Variants in LINGO2 observed in about 807,000 individuals in gnomAD.
LINGO2 encodes leucine-rich repeat and immunoglobulin-like domain-containing nogo receptor-interacting protein 2.
LINGO2 carries 14 observed loss-of-function variants against 30.6 expected under a neutral mutation model. The observed-to-expected ratio is 0.46, with a 90% CI of 0.30 to 0.72. The LOEUF (loss-of-function observed/expected upper bound fraction) is 0.72, where lower values mean the gene tolerates loss of function less well. Ranked by LOEUF, LINGO2 falls within the 30% of genes least tolerant of loss-of-function variation. LINGO2 has a pLI of 0.07. For synonymous variants in LINGO2, 317 were observed against 288.5 expected (o/e 1.10, Z -1.00); for missense variants, 729 against 751.7 (o/e 0.97, Z 0.35).
intron 4 of LINGO2, among the ~76,000 whole-genome samples, chr9:28,133,637 C>G (rs1199369229): frequency 6.6e-6 from 1 of 152,148 alleles, no homozygotes; most frequent in Non-Finnish European, 1.5e-5. Flanking sequence ...TCAGAAAGCA[C>G]TGATGGGCAG....
the LINGO2 span, among the ~76,000 whole-genome samples, chr9:28,685,264 A>G: frequency 9.7e-4 from 148 of 152,268 alleles, no homozygotes; most frequent in African/African-American, 3.2e-3. Context: ...TGTCTTTGCT[A>G]TTGTGAATAG....
At chr9:28,624,389 T>C (rs1826557790) in intron 1 of LINGO2, among the ~76,000 whole-genome samples, 2 of 151,950 alleles carry the variant, frequency 1.3e-5, no homozygotes, top group South Asian at 2.1e-4. Flanking sequence ...AGAAGAAATG[T>C]TGAATTTTAT....
the LINGO2 span, among the ~76,000 whole-genome samples, chr9:29,014,821 T>C: frequency 2.6e-5 from 4 of 152,162 alleles, no homozygotes; most frequent in African/African-American, 9.7e-5. Flanking sequence ...AGTATGAATG[T>C]AAAAAATGTT....
the LINGO2 span, among the ~76,000 whole-genome samples, chr9:29,054,171 T>C: frequency 3.9e-5 from 6 of 152,294 alleles, no homozygotes; most frequent in Middle Eastern, 0.014. Context: ...TCATATTTTA[T>C]GTATTTCTAG....
intron 4 of LINGO2, among the ~76,000 whole-genome samples, chr9:28,080,268 T>A (rs190742392): frequency 2.0e-5 from 3 of 152,328 alleles, no homozygotes; most frequent in Admixed American, 2.0e-4. Context: ...ATACTGAAAT[T>A]TCTACCATGG....
At chr9:29,018,089 TTTTATATA>T in the LINGO2 span, among the ~76,000 whole-genome samples, 7,178 of 136,726 alleles carry the variant, frequency 0.052, 580 homozygotes, top group African/African-American at 0.19. Flanking sequence ...TAAATATACA[TTTTATATA>T]TATATATATA....
chr9:28,598,512 A>G (rs530052260), intron 1 of LINGO2, among the ~76,000 whole-genome samples: 1 of 152,230 alleles, frequency 6.6e-6, no homozygotes, highest in African/African-American at 2.4e-5. Context: ...ACTCCAGGGA[A>G]AATAGCAGGT....
At chr9:28,893,633 GT>G in the LINGO2 span, among the ~76,000 whole-genome samples, 115,756 of 151,198 alleles carry the variant, frequency 0.77, 44,673 homozygotes, top group Non-Finnish European at 0.82. Context: ...ATTGTTTTTA[GT>G]TTTTTTCTGA....
At chr9:28,848,136 C>CAT in the LINGO2 span, among the ~76,000 whole-genome samples, 2 of 62,434 alleles carry the variant, frequency 3.2e-5, no homozygotes, top group South Asian at 5.0e-4. Flanking sequence ...CTATATATAG[C>CAT]ATATATATAC....
At chr9:28,658,920 T>C (rs1459105374) in intron 1 of LINGO2, among the ~76,000 whole-genome samples, 3 of 152,106 alleles carry the variant, frequency 2.0e-5, no homozygotes, top group East Asian at 1.9e-4. Flanking sequence ...TTAAGAGATA[T>C]AATGCCTCAA....
the LINGO2 span, among the ~76,000 whole-genome samples, chr9:28,687,949 GA>G: frequency 6.6e-6 from 1 of 152,110 alleles, no homozygotes; most frequent in Non-Finnish European, 1.5e-5. Flanking sequence ...CTGTGAATGG[GA>G]AAGAGGAGAA....
At chr9:28,280,023 AC>A (rs1823262266) in intron 4 of LINGO2, among the ~76,000 whole-genome samples, 1 of 152,158 alleles carries the variant, frequency 6.6e-6, no homozygotes, top group Non-Finnish European at 1.5e-5. Context: ...GCCCTGAGAA[AC>A]AAAGCACAGT....
the LINGO2 span, among the ~76,000 whole-genome samples, chr9:28,975,520 GA>G: frequency 6.6e-6 from 1 of 152,156 alleles, no homozygotes; most frequent in Admixed American, 6.5e-5. Context: ...ATACATTTAT[GA>G]AATGGCACTG....
chr9:28,729,575 A>C, the LINGO2 span, among the ~76,000 whole-genome samples: 1 of 152,100 alleles, frequency 6.6e-6, no homozygotes, highest in Non-Finnish European at 1.5e-5. Context: ...AGTAACAAAA[A>C]GTGCTCTTTG....
At chr9:28,633,686 A>G (rs1158171684) in intron 1 of LINGO2, among the ~76,000 whole-genome samples, 2 of 152,144 alleles carry the variant, frequency 1.3e-5, no homozygotes, top group African/African-American at 2.4e-5. Context: ...AGACCTTCAC[A>G]TGGATCACAG....
At chr9:28,568,555 T>C (rs1013515494) in intron 1 of LINGO2, among the ~76,000 whole-genome samples, 5 of 151,900 alleles carry the variant, frequency 3.3e-5, no homozygotes, top group African/African-American at 7.3e-5. Flanking sequence ...ATAATGAAAT[T>C]GTCAAAAATC....
chr9:28,022,619 T>C (rs947262736), intron 4 of LINGO2, among the ~76,000 whole-genome samples: 2 of 151,942 alleles, frequency 1.3e-5, no homozygotes, highest in Admixed American at 1.3e-4. Context: ...TTTTATTTCA[T>C]TCTGTTCTTG....
chr9:28,175,163 T>C (rs1362043605), intron 4 of LINGO2, among the ~76,000 whole-genome samples: 1 of 152,112 alleles, frequency 6.6e-6, no homozygotes, highest in Non-Finnish European at 1.5e-5. Flanking sequence ...AGCAAAGTTG[T>C]GGAAGACTGC....
At chr9:28,035,292 C>CGG in intron 4 of LINGO2, among the ~76,000 whole-genome samples, 1 of 152,184 alleles carries the variant, frequency 6.6e-6, no homozygotes, top group South Asian at 2.1e-4. Flanking sequence ...CCATATATTT[C>CGG]CTTATAGGAC....
Sources: gnomAD v4.1 joint callset for allele counts (sites outside exome capture counted in the v4.1 genomes callset) on GRCh38, gnomAD v4.1.1 for gene constraint, MANE v1.5 for transcripts, NCBI Gene and HGNC (gene_info 2026-07-23, HGNC 2026-07-21) for gene names.